The following CFAP20DC variants were observed in gnomAD, a reference collection of about 807,000 sequenced individuals.
CFAP20DC encodes CFAP20 domain containing.
Under a neutral mutation model 101.7 loss-of-function variants are expected in CFAP20DC, and 84 were observed. The observed-to-expected ratio is 0.83, with a 90% CI of 0.69 to 0.99. CFAP20DC has a LOEUF of 0.99. CFAP20DC is among the 50% of genes least tolerant of loss of function. CFAP20DC has a pLI of 0.00. For synonymous variants in CFAP20DC, 359 were observed against 351.2 expected, an observed-to-expected ratio of 1.02 and a Z score of -0.25; for missense variants, 1,007 against 970.3, an observed-to-expected ratio of 1.04 and a Z score of -0.50.
intron 15 of CFAP20DC, among the ~76,000 whole-genome samples, chr3:58,801,837 T>C (rs1205619959): frequency 6.6e-6 from 1 of 152,196 alleles, no homozygotes; most frequent in African/African-American, 2.4e-5. Context: ...TGCAAAGGAT[T>C]CAGGCCCTAA....
Position 58,849,170 on chromosome 3 carries a change from CCTT to C in CFAP20DC, c.1830_1832del (p.Arg611del), listed in dbSNP as rs2078000371. The C allele has an allele frequency of 3.3e-6, 5 of 1,536,104 alleles. No homozygotes were observed. The highest frequency in any genetic ancestry group is 2.4e-5 in the East Asian group (1 of 40,914). On this transcript the variant is annotated inframe_deletion, in exon 13 of 17. Transcript: ENST00000482387. ...CTGGAGTTTTCTGACAGGACCCACA[CCTT>C]CTTCCAGTTGGAGAAAGGCATGTTG...
chr3:58,985,646 G>A lies in CFAP20DC; in HGVS notation c.279-47884C>T, dbSNP rs1022532505. ...TGTTTATCTCTCATCCAAAAATGCC[G>A]TGCTTACCATTTGTGATTTTTTACT... On this transcript the variant is annotated intron_variant, in intron 4 of 16. Transcript: ENST00000482387. Among the ~76,000 whole-genome samples, 3 of 152,034 alleles carry A rather than the reference G, an allele frequency of 2.0e-5. 1 individual carries two copies. The highest frequency in any genetic ancestry group is 4.2e-4 in the South Asian group (2 of 4,818).
intron 4 of CFAP20DC, among the ~76,000 whole-genome samples, chr3:58,985,615 T>G (rs538587200): frequency 1.3e-5 from 2 of 152,334 alleles, no homozygotes; most frequent in East Asian, 3.9e-4. Flanking sequence ...GTGTGGCTTT[T>G]ATACATGTTT....
chr3:58,975,693 T>C (rs1282346931), intron 4 of CFAP20DC, among the ~76,000 whole-genome samples: 1 of 152,256 alleles, frequency 6.6e-6, no homozygotes, highest in African/African-American at 2.4e-5. Flanking sequence ...AGCAAGGTTA[T>C]GCTCATTTCT....
chr3:58,780,193 ACCAGC>A (rs1369572281), intron 15 of CFAP20DC, among the ~76,000 whole-genome samples: 3 of 152,260 alleles, frequency 2.0e-5, no homozygotes, highest in African/African-American at 7.2e-5. Context: ...TCACCACTAG[ACCAGC>A]CCTACAAGCA....
rs538680763 is a variant in CFAP20DC at position 58,808,618 on chromosome 3, T to A, written c.2176-2162A>T. Among the ~76,000 whole-genome samples, 80 of 152,196 alleles carry A rather than the reference T, an allele frequency of 5.3e-4. 1 individual carries two copies. Among genetic ancestry groups the A allele is most frequent in the African/African-American group, 1.9e-3 (77 of 41,518 alleles). On this transcript the variant is annotated intron_variant, in intron 14 of 16. Coordinates refer to ENST00000482387, the MANE Select transcript of CFAP20DC (RefSeq NM_001394063.1). ...CCAGCCACTGCAAAATCATGCCAAA[T>A]TGTAAAGACCATCGAGGCTAGGAAG...
At chr3:58,737,425 G>T (rs573148558), downstream of CFAP20DC, among the ~76,000 whole-genome samples, 4 of 152,052 alleles carry the variant, frequency 2.6e-5, no homozygotes, top group Non-Finnish European at 5.9e-5. This position sits in a 1 kb window ranked among gnomAD's most constrained non-coding sequence, Gnocchi z 4.1. Context: ...GGGAGTCAGG[G>T]CTCCCAGCTC....
At chr3:58,920,166 C>T (rs1204174212) in intron 5 of CFAP20DC, among the ~76,000 whole-genome samples, 1 of 140,450 alleles carries the variant, frequency 7.1e-6, no homozygotes, top group African/African-American at 2.7e-5. Flanking sequence ...TGGAGGCTGA[C>T]TGCAGCCTCC....
At chr3:58,862,482 C>T (rs2079331621) in intron 12 of CFAP20DC, 1 of 985,302 alleles carries the variant, frequency 1.0e-6, no homozygotes, top group Non-Finnish European at 1.2e-6. Flanking sequence ...CTAATTGTTT[C>T]ATGACACTCA....
chr3:58,976,367 C>G (rs1421428527), intron 4 of CFAP20DC, among the ~76,000 whole-genome samples: 1 of 152,166 alleles, frequency 6.6e-6, no homozygotes, highest in Admixed American at 6.5e-5. Context: ...TGCCAAGACA[C>G]TGGGTGGCTA....
intron 12 of CFAP20DC, among the ~76,000 whole-genome samples, chr3:58,856,101 T>G (rs1018176336): frequency 6.7e-6 from 1 of 149,366 alleles, no homozygotes; most frequent in Non-Finnish European, 1.5e-5. Context: ...AAGGAGTAAA[T>G]TAAAATAATC....
intron 15 of CFAP20DC, among the ~76,000 whole-genome samples, chr3:58,775,834 C>A (rs1221029182): frequency 6.6e-6 from 1 of 151,554 alleles, no homozygotes; most frequent in Non-Finnish European, 1.5e-5. Flanking sequence ...CAACCTCCAC[C>A]TCCCGGGTTC....
chr3:59,049,545 C>G, intron 1 of CFAP20DC, 66 bp downstream of exon 1: 1 of 1,433,480 alleles, frequency 7.0e-7, no homozygotes, highest in Non-Finnish European at 9.5e-7. Flanking sequence ...ATCCTCACCC[C>G]GATCACGGAC....
chr3:58,828,821 G>A (rs1214390153), intron 14 of CFAP20DC, among the ~76,000 whole-genome samples: 7 of 151,914 alleles, frequency 4.6e-5, no homozygotes, highest in Non-Finnish European at 1.5e-5. Context: ...AAAAAAAAGT[G>A]CATAATCTGT....
At chr3:58,976,283 T>A (rs1413948469) in intron 4 of CFAP20DC, among the ~76,000 whole-genome samples, 1 of 151,942 alleles carries the variant, frequency 6.6e-6, no homozygotes, top group Non-Finnish European at 1.5e-5. Context: ...AAAGTGAAAG[T>A]AAAGGTAGGT....
Position 58,847,683 on chromosome 3 carries a change from C to T in CFAP20DC, c.1971+1349G>A, listed in dbSNP as rs1316218009. Among the ~76,000 whole-genome samples the T allele has an allele frequency of 5.4e-4, 80 of 148,040 alleles. 1 individual carries two copies. The East Asian group carries it at 0.013, about 25-fold the overall frequency. On this transcript the variant is annotated intron_variant, in intron 13 of 16. Transcript: ENST00000482387. ...CATTACTGGGTATATACCCAAAGGA[C>T]TATAAATCATGCTGCTATAAAGACA... is the stretch of plus-strand genomic sequence containing the variant.
chr3:58,722,881 G>A lies in CFAP20DC; in HGVS notation c.198-5253C>T, dbSNP rs564033337. On this transcript the variant is annotated intron_variant, in intron 3 of 3. Coordinates refer to the CFAP20DC transcript ENST00000486145. This position sits in a 1 kb window ranked among gnomAD's most constrained non-coding sequence, Gnocchi z 4.5. ...TGTCTGTGGTGGAAATACCTGGGTG[G>A]TCTGATTCAAATTCACCTTTCAAAT... is the stretch of plus-strand genomic sequence containing the variant. Among the ~76,000 whole-genome samples the A allele has an allele frequency of 2.6e-5, 4 of 152,318 alleles. No individual in the cohort carries two copies. The highest frequency in any genetic ancestry group is 7.2e-5 in the African/African-American group (3 of 41,552).
chr3:58,969,739 A>G (rs1467584577), intron 4 of CFAP20DC, among the ~76,000 whole-genome samples: 2 of 152,214 alleles, frequency 1.3e-5, no homozygotes, highest in Non-Finnish European at 2.9e-5. Context: ...AATATGGATA[A>G]ACCTTGAAAA....
chr3:58,816,244 G>C (rs529612791), intron 14 of CFAP20DC, among the ~76,000 whole-genome samples: 1 of 152,224 alleles, frequency 6.6e-6, no homozygotes, highest in East Asian at 1.9e-4. Context: ...ATCATTCTCA[G>C]TAAACTATCG....
Sources: gnomAD v4.1 joint callset for allele counts (sites outside exome capture counted in the v4.1 genomes callset) on GRCh38, gnomAD v4.1.1 for gene constraint, Gnocchi (gnomAD v3.1) non-coding constraint, MANE v1.5 for transcripts, NCBI Gene and HGNC (gene_info 2026-07-23, HGNC 2026-07-21) for gene names.